RNF213: variants seen among roughly 807,000 people sequenced by gnomAD.
The protein encoded by RNF213 is ring finger protein 213.
A neutral mutation model predicts 514.4 loss-of-function variants in RNF213; 341 were observed. The observed-to-expected ratio is 0.66, with a 90% CI of 0.61 to 0.73. The LOEUF is 0.73. Among genes scored for constraint, RNF213 ranks in the 30% least tolerant of loss-of-function variants. The probability of loss-of-function intolerance (pLI) is 0.00; values close to 1 mark genes in which losing one functional copy is unlikely to be tolerated. For missense variants in RNF213, 5,767 were observed against 6,615.6 expected (o/e 0.87, Z 4.45); for synonymous variants, 2,655 against 2,658.2 (o/e 1.00, Z 0.04).
Position 80,288,578 on chromosome 17 carries a change from C to T in RNF213, c.811-55C>T, listed in dbSNP as rs1031745587. The T allele has an allele frequency of 8.7e-6, 14 of 1,613,846 alleles. No individual in the cohort carries two copies. Among genetic ancestry groups the T allele is most frequent in the African/African-American group, 2.7e-5 (2 of 75,036 alleles). ...GATGCTGCCCCTTAAACCATTGAGT[C>T]GGAGTCACCCTGGCCCATTTTGTCA... On this transcript the variant is annotated intron_variant, in intron 4 of 67. Transcript: ENST00000582970. The surrounding 1 kb of genome is among the most constrained non-coding windows in gnomAD (Gnocchi z 4.9).
In RNF213 at chr17:80,288,723, G is replaced by A. The variant is rs372296481; in HGVS notation, c.901G>A (p.Ala301Thr). 1.9e-6 allele frequency: 3 copies of A among 1,614,094 alleles called. No homozygotes were observed. The highest frequency in any genetic ancestry group is 2.5e-6 in the Non-Finnish European group (3 of 1,180,058). ...GACCCAGAGAATGAAACAGCCACCA[G>A]CAACCACTCCTCCTTTCAAAACACA... ...EKTQRMKQPP[A>T]TTPPFKTHCQ... The change falls in exon 5 of 68, where the codon GCA becomes ACA. Residue 301 changes from alanine to threonine, a missense_variant. This residue lies in a region of RNF213 where 509 missense variants were observed against 496.7 expected (regional missense o/e 1.02). Coordinates refer to ENST00000582970, the MANE Select transcript of RNF213 (RefSeq NM_001256071.3). This position sits in a 1 kb window ranked among gnomAD's most constrained non-coding sequence, Gnocchi z 4.9.
At chr17:80,298,811 CAA>C (rs71365598) in intron 11 of RNF213, 7,806 of 219,262 alleles carry the variant, frequency 0.036, no homozygotes, top group South Asian at 0.069. Flanking sequence ...CGAAAAATAC[CAA>C]AAAAAAAAAA....
At chr17:80,344,462 A>C (rs569440977) in intron 28 of RNF213, among the ~76,000 whole-genome samples, 3 of 152,358 alleles carry the variant, frequency 2.0e-5, no homozygotes, top group African/African-American at 7.2e-5. Context: ...TGGGTTAGAA[A>C]GTGATTTCCT....
At chr17:80,358,914 AAAG>A (rs1356473175) in intron 37 of RNF213, among the ~76,000 whole-genome samples, 2 of 152,180 alleles carry the variant, frequency 1.3e-5, no homozygotes, top group African/African-American at 4.8e-5. Flanking sequence ...TCTCAAAAAA[AAAG>A]AATAGGAAGT....
At chr17:80,290,385 G>T (rs1467383204) in intron 6 of RNF213, among the ~76,000 whole-genome samples, 185 bp from the exon 7 acceptor site, 1 of 151,476 alleles carries the variant, frequency 6.6e-6, no homozygotes, top group Non-Finnish European at 1.5e-5. Flanking sequence ...GCGTGCACGT[G>T]TGTGCGTGTA....
In RNF213 at chr17:80,373,084, G is replaced by A. The variant is rs2079581515; in HGVS notation, c.12861G>A (p.Arg4287=). 1.7e-5 allele frequency: 28 copies of A among 1,613,920 alleles called. No individual in the cohort carries two copies. The highest frequency in any genetic ancestry group is 2.4e-5 in the Non-Finnish European group (28 of 1,180,006). ...VYLVRKLSSQ[R]GMEFVQGLSK... ...TGGTGCGGAAGCTCAGCAGCCAGCG[G>A]GGGATGGAGTTCGTGCAGGGCCTCT... Residue 4287 remains arginine (R), a synonymous_variant, in exon 49 of 68, where the codon CGG becomes CGA. Transcript: ENST00000582970.
At chr17:80,391,478 G>A (rs560655344) in intron 67 of RNF213, among the ~76,000 whole-genome samples, 19 of 152,130 alleles carry the variant, frequency 1.2e-4, no homozygotes, top group African/African-American at 4.1e-4. Context: ...TCTCCACGTG[G>A]CCAGGCTGGT....
Position 80,346,115 on chromosome 17 carries a change from A to G in RNF213, c.7780A>G (p.Ile2594Val), listed in dbSNP as rs778912236. 5 of 1,614,034 alleles carry G rather than the reference A, an allele frequency of 3.1e-6. No homozygotes were observed. The Admixed American group carries it at 8.3e-5, about 27-fold the overall frequency. Residue 2594 changes from isoleucine (I) to valine (V), a missense_variant, in exon 29 of 68, where the codon ATC becomes GTC. Transcript: ENST00000582970. This position sits in a 1 kb window ranked among gnomAD's most constrained non-coding sequence, Gnocchi z 8.1. Reference sequence around the variant, plus strand: ...GAGTGACGTTGCTGAAAAGCTCTACATCCAGCAGATTGTCCAGAGACTGGT... The same window carrying G: ...GAGTGACGTTGCTGAAAAGCTCTACGTCCAGCAGATTGTCCAGAGACTGGT... ...QLSDVAEKLY[I>V]QQIVQRLVES...
intron 44 of RNF213, among the ~76,000 whole-genome samples, chr17:80,368,711 G>C (rs1408564032): frequency 6.6e-6 from 1 of 152,172 alleles, no homozygotes; most frequent in Non-Finnish European, 1.5e-5. Flanking sequence ...GGGATTACAG[G>C]CATGAGTGAC....
chr17:80,375,808 C>G lies in RNF213; in HGVS notation c.13123C>G (p.Leu4375Val). 2.5e-6 allele frequency: 4 copies of G among 1,614,164 alleles called. No individual in the cohort carries two copies. Among genetic ancestry groups the G allele is most frequent in the Non-Finnish European group, 3.4e-6 (4 of 1,180,016 alleles). ...SQQSAYFLLT[L>V]FREVAILYRS... ...GCAGTCAGCCTACTTCCTGTTAACA[C>G]TGTTTAGAGAGGTGGCTATTTTGTA... Residue 4375 changes from leucine to valine, a missense_variant, in exon 51 of 68, where the codon CTG becomes GTG. By Grantham distance (32) the Leu-to-Val change is conservative (BLOSUM62 1). Around this residue, in one of 13 missense-constraint regions of RNF213, gnomAD observed 1,245 missense variants for 1,339.0 expected, o/e 0.93. Coordinates refer to ENST00000582970, the MANE Select transcript of RNF213 (RefSeq NM_001256071.3).
chr17:80,317,362 A>C lies in RNF213; in HGVS notation c.2901+85A>C. The stretch of plus-strand genomic sequence containing the variant: ...CCATTAGCGACAGCCAAGAGATCTC[A>C]GCAGTGCCTCTCTGTGGGCAGGGAT... On this transcript the variant is annotated intron_variant, in intron 16 of 67. Coordinates refer to ENST00000582970, the MANE Select transcript of RNF213 (RefSeq NM_001256071.3). The surrounding 1 kb of genome is among the most constrained non-coding windows in gnomAD (Gnocchi z 4.1). The C allele has an allele frequency of 1.1e-5, 13 of 1,200,174 alleles. No homozygotes were observed. Among genetic ancestry groups the C allele is most frequent in the Admixed American group, 2.0e-5 (1 of 50,906 alleles). 74.3% of individuals were successfully genotyped at this position (1,200,174 alleles called of 1,614,324 possible). A position where few individuals can be genotyped will look rare whatever the true frequency, so the allele number is the denominator to read the frequency against.
intron 20 of RNF213, among the ~76,000 whole-genome samples, chr17:80,331,125 G>A (rs1210332876): frequency 2.6e-5 from 4 of 151,936 alleles, no homozygotes; most frequent in Non-Finnish European, 5.9e-5. Flanking sequence ...AGCCTGGACC[G>A]TGTCTTAAAC....
At chr17:80,341,242 A>C (rs562634890) in intron 26 of RNF213, 40 of 152,356 alleles carry the variant, frequency 2.6e-4, no homozygotes, top group African/African-American at 8.9e-4. Context: ...CCCGGCCTGA[A>C]GTTTACTTCT....
At position 80,380,925 on chromosome 17, in the gene RNF213, T is replaced by G. The variant is rs2079972424; in HGVS notation, c.13735T>G (p.Phe4579Val). The change falls in exon 56 of 68, where the codon TTC becomes GTC. Residue 4579 changes from phenylalanine (F) to valine (V), a missense_variant. Transcript: ENST00000582970. ...TCDRGLPPVV[F>V]LLIRLLTHLA... ...TGACCGAGGGCTGCCCCCAGTGGTC[T>G]TCCTCCTTATCCGGCTACTCACTCA... The G allele has an allele frequency of 6.2e-7, 1 of 1,614,024 alleles. No homozygotes were observed. The highest frequency in any genetic ancestry group is 1.3e-5 in the African/African-American group (1 of 74,910).
At chr17:80,279,026 G>C (rs2044166436) in intron 3 of RNF213, 2 of 1,399,118 alleles carry the variant, frequency 1.4e-6, no homozygotes, top group East Asian at 5.0e-5. Flanking sequence ...GAGGAAGGCT[G>C]CCCAGGATGG....
chr17:80,345,174 C>T lies in RNF213; in HGVS notation c.6839C>T (p.Thr2280Ile), dbSNP rs775398232. The change falls in exon 29 of 68, where the codon ACC becomes ATC. Residue 2280 changes from threonine to isoleucine, a missense_variant. This residue lies in a region of RNF213 where 1,377 missense variants were observed against 1,635.2 expected (regional missense o/e 0.84). Coordinates refer to ENST00000582970, the MANE Select transcript of RNF213 (RefSeq NM_001256071.3). This position sits in a 1 kb window ranked among gnomAD's most constrained non-coding sequence, Gnocchi z 6.0. ...CAAAGCCCGGGGAAGCACATGGTCA[C>T]CATGGATGGGGTTAGGGAAGAAGAT... is the stretch of plus-strand genomic sequence containing the variant. ...SDQSPGKHMVTMDGVREEDLA... is the reference protein window; with the variant it reads ...SDQSPGKHMVIMDGVREEDLA... 6.2e-7 allele frequency: 1 copy of T among 1,614,122 alleles called. No homozygotes were observed. Among genetic ancestry groups the T allele is most frequent in the Non-Finnish European group, 8.5e-7 (1 of 1,180,028 alleles).
At chr17:80,289,887 GCA>G (rs2044629533) in intron 6 of RNF213, 50 bp downstream of exon 6, 4 of 1,539,970 alleles carry the variant, frequency 2.6e-6, no homozygotes, top group Non-Finnish European at 3.5e-6. Context: ...TGAGAGCCCG[GCA>G]CACCCTCTCC....
intron 14 of RNF213, among the ~76,000 whole-genome samples, chr17:80,312,360 G>T (rs1050251662): frequency 6.6e-6 from 1 of 152,116 alleles, no homozygotes; most frequent in African/African-American, 2.4e-5. Flanking sequence ...TTTCCCTCTG[G>T]TCTGGTGGGT....
At chr17:80,266,397 G>C (rs2043612669) in intron 2 of RNF213, among the ~76,000 whole-genome samples, 3 of 151,630 alleles carry the variant, frequency 2.0e-5, no homozygotes. Context: ...CTGGGTGACA[G>C]AGTGAGACCC....
Sources: allele counts gnomAD v4.1 joint callset (sites outside exome capture counted in the v4.1 genomes callset), GRCh38; gene constraint gnomAD v4.1.1; regional missense constraint gnomAD v4.1.1; non-coding constraint Gnocchi (gnomAD v3.1); transcripts MANE v1.5; gene names NCBI Gene and HGNC (gene_info 2026-07-23, HGNC 2026-07-21).